Variants in LYST observed in about 807,000 individuals in gnomAD.
LYST encodes the protein lysosomal trafficking regulator.
A neutral mutation model predicts 413.6 loss-of-function variants in LYST; 192 were observed. That is an observed-to-expected ratio of 0.46 (90% CI 0.41 to 0.52). The LOEUF is 0.52. Among genes scored for constraint, LYST ranks in the 20% least tolerant of loss-of-function variants. The probability of loss-of-function intolerance (pLI) is 0.00; values close to 1 mark genes in which losing one functional copy is unlikely to be tolerated. For missense variants in LYST, 3,815 were observed against 4,499.9 expected, an observed-to-expected ratio of 0.85 and a Z score of 4.35; for synonymous variants, 1,525 against 1,567.3, an observed-to-expected ratio of 0.97 and a Z score of 0.64.
rs748856241 is a variant in LYST, at chr1:235,755,490, C to T, written c.7217G>A (p.Gly2406Asp). 1 of 1,613,276 alleles carries T rather than the reference C, an allele frequency of 6.2e-7. No individual in the cohort carries two copies. The highest frequency in any genetic ancestry group is 1.1e-5 in the South Asian group (1 of 91,064). Residue 2406 changes from glycine to aspartate, a missense_variant, in exon 25 of 53, where the codon GGC becomes GAC. By Grantham distance (94) the Gly-to-Asp change is moderately conservative. Transcript: ENST00000389793. ...AGAACACACTTACTCTTCATCAAGG[C>T]CAATATGTCGACCAAAGAACATTTC... ...FIEMFFGRHIGLDEEFDLEDV... is the reference protein window; with the variant it reads ...FIEMFFGRHIDLDEEFDLEDV...
intron 14 of LYST, among the ~76,000 whole-genome samples, chr1:235,784,399 C>A (rs575445379): frequency 6.6e-6 from 1 of 152,320 alleles, no homozygotes; most frequent in African/African-American, 2.4e-5. Context: ...TAATTTCAGA[C>A]TGTCCACAAT....
chr1:235,707,014 G>A (rs1362326775), intron 44 of LYST, among the ~76,000 whole-genome samples: 1 of 152,136 alleles, frequency 6.6e-6, no homozygotes, highest in African/African-American at 2.4e-5. Context: ...TGCTACAGTC[G>A]ACACAGAAAA....
At chr1:235,718,457 C>A (rs1231305439) in intron 40 of LYST, among the ~76,000 whole-genome samples, 1 of 151,680 alleles carries the variant, frequency 6.6e-6, no homozygotes, top group Non-Finnish European at 1.5e-5. Flanking sequence ...ATTTTCATGC[C>A]TCAGCTTCCT....
At chr1:235,755,894 T>G (rs1218800992) in intron 24 of LYST, among the ~76,000 whole-genome samples, 2 of 152,138 alleles carry the variant, frequency 1.3e-5, no homozygotes, top group African/African-American at 2.4e-5. Context: ...CATTTTTAGC[T>G]GAGCATGGAC....
intron 1 of LYST, among the ~76,000 whole-genome samples, chr1:235,850,761 A>T (rs993540518): frequency 1.3e-5 from 2 of 152,190 alleles, no homozygotes; most frequent in Non-Finnish European, 2.9e-5. Flanking sequence ...ATGGCCAACA[A>T]ACATATGAAA....
chr1:235,746,229 T>A (rs764859050), intron 29 of LYST, 107 bp downstream of exon 29: 2 of 919,360 alleles, frequency 2.2e-6, no homozygotes, highest in Non-Finnish European at 3.5e-6. Flanking sequence ...TGTTAAGAAC[T>A]GAAAAATAAT....
intron 28 of LYST, 51 bp downstream of exon 28, chr1:235,751,159 A>G (rs1666455128): frequency 3.2e-6 from 5 of 1,544,568 alleles, no homozygotes; most frequent in Non-Finnish European, 4.5e-6. Flanking sequence ...AACATAGGAA[A>G]GTCAAGCTAG....
At chr1:235,842,328 T>C (rs1008247010) in intron 1 of LYST, among the ~76,000 whole-genome samples, 1 of 152,010 alleles carries the variant, frequency 6.6e-6, no homozygotes, top group African/African-American at 2.4e-5. Flanking sequence ...GGAATGAAGA[T>C]GTTAGAATTT....
At chr1:235,687,467 C>A (rs1384231035) in intron 47 of LYST, among the ~76,000 whole-genome samples, 1 of 152,084 alleles carries the variant, frequency 6.6e-6, no homozygotes, top group African/African-American at 2.4e-5. Context: ...GAAACAGGTA[C>A]ATGTAAACAG....
At chr1:235,690,949 T>C (rs527862845) in intron 47 of LYST, among the ~76,000 whole-genome samples, 4 of 151,366 alleles carry the variant, frequency 2.6e-5, no homozygotes, top group South Asian at 4.2e-4. Context: ...CAGAGTCTCG[T>C]TCTGTTGCCC....
In LYST at chr1:235,809,813, C is replaced by A. The variant is rs1673260690; in HGVS notation, c.1005G>T (p.Leu335=). Reference sequence around the variant, plus strand: ...TCTCTGCAGTACTAACATCTACTGACAGAAGATGCAACACTGTTCGAAAGA... The same window carrying A: ...TCTCTGCAGTACTAACATCTACTGAAAGAAGATGCAACACTGTTCGAAAGA... ...RMLFRTVLHL[L]SVDVSTAEMM... is the part of the protein sequence containing the mutation. Residue 335 remains leucine, a synonymous_variant, in exon 5 of 53, where the codon CTG becomes CTT. Coordinates refer to ENST00000389793, the MANE Select transcript of LYST (RefSeq NM_000081.4). This position sits in a 1 kb window ranked among gnomAD's most constrained non-coding sequence, Gnocchi z 4.0. The A allele has an allele frequency of 3.1e-6, 5 of 1,613,914 alleles. No individual in the cohort carries two copies. In the South Asian group the frequency reaches 5.5e-5, roughly 18 times the overall value.
chr1:235,790,884 G>A (rs1390978804), intron 12 of LYST, among the ~76,000 whole-genome samples: 2 of 152,124 alleles, frequency 1.3e-5, no homozygotes, highest in African/African-American at 4.8e-5. Context: ...AACTAGGGGA[G>A]GGCCACTGAG....
At chr1:235,680,778 T>C (rs1419233702) in intron 48 of LYST, among the ~76,000 whole-genome samples, 1 of 151,982 alleles carries the variant, frequency 6.6e-6, no homozygotes, top group Non-Finnish European at 1.5e-5. Flanking sequence ...TTTGTATTTT[T>C]AGTAGAGAAG....
chr1:235,744,987 A>G (rs1665776507), intron 29 of LYST, among the ~76,000 whole-genome samples: 1 of 152,124 alleles, frequency 6.6e-6, no homozygotes, highest in Non-Finnish European at 1.5e-5. Context: ...CTAGTCATTA[A>G]CAATTACTGT....
intron 8 of LYST, among the ~76,000 whole-genome samples, chr1:235,801,373 T>C (rs1672196019): frequency 6.6e-6 from 1 of 151,490 alleles, no homozygotes; most frequent in Non-Finnish European, 1.5e-5. Flanking sequence ...ACACATCCCA[T>C]GGACACAACT....
At chr1:235,723,019 G>A (rs1010269982) in intron 39 of LYST, among the ~76,000 whole-genome samples, 3 of 152,182 alleles carry the variant, frequency 2.0e-5, no homozygotes, top group African/African-American at 7.2e-5. Flanking sequence ...TGGTAGCAGT[G>A]GAAGCAGTCA....
chr1:235,821,923 T>C (rs1214384174), intron 3 of LYST, among the ~76,000 whole-genome samples: 2 of 152,168 alleles, frequency 1.3e-5, no homozygotes, highest in African/African-American at 4.8e-5. Context: ...GTACACCCTA[T>C]CACCTAGACA....
intron 17 of LYST, 40 bp downstream of exon 17, chr1:235,777,023 T>C: frequency 6.3e-7 from 1 of 1,580,664 alleles, no homozygotes; most frequent in Non-Finnish European, 8.7e-7. Flanking sequence ...AATAAGTAAG[T>C]CATTTCTCTT....
intron 16 of LYST, among the ~76,000 whole-genome samples, chr1:235,777,858 C>T (rs554699166): frequency 2.6e-5 from 4 of 152,144 alleles, no homozygotes; most frequent in South Asian, 4.2e-4. Context: ...TAGTTTCCAT[C>T]AGTGTGTGGC....
Sources: gnomAD v4.1 joint callset for allele counts (sites outside exome capture counted in the v4.1 genomes callset) on GRCh38, gnomAD v4.1.1 for gene constraint, Gnocchi (gnomAD v3.1) non-coding constraint, MANE v1.5 for transcripts, NCBI Gene and HGNC (gene_info 2026-07-23, HGNC 2026-07-21) for gene names.